Variants in ERICH1 observed in about 807,000 individuals in gnomAD.
ERICH1 encodes glutamate-rich protein 1.
Under a neutral mutation model 39.6 loss-of-function variants are expected in ERICH1, and 56 were observed. That is an observed-to-expected ratio of 1.41 (90% confidence interval 1.14 to 1.77). The LOEUF is 1.77. ERICH1 is among the 40% of genes most tolerant of loss of function. ERICH1 has a pLI of 0.00. For missense variants in ERICH1, 826 were observed against 575.4 expected, an observed-to-expected ratio of 1.44 and a Z score of -4.45; for synonymous variants, 313 against 223.6, an observed-to-expected ratio of 1.40 and a Z score of -3.57.
rs111162113 is a variant in ERICH1, at chr8:696,013, G to C, written c.170-3401C>G. 4.7e-3 allele frequency among the ~76,000 whole-genome samples: 47 copies of C among 9,906 alleles called. 2 individuals are homozygous for C. Among genetic ancestry groups the C allele is most frequent in the Middle Eastern group, 0.071 (1 of 14 alleles). The allele number at this position is 9,906 out of a possible 152,430, so 6.5% of individuals were successfully genotyped here. A position where few individuals can be genotyped will look rare whatever the true frequency, so the allele number is the denominator to read the frequency against. ...CTCCCCATCAGCCTGCGCCTGTGCT[G>C]GCTCCTCTCACCCTCCACTCCTCTC... is the stretch of plus-strand genomic sequence containing the variant. On this transcript the variant is annotated intron_variant, in intron 2 of 5. Coordinates refer to ENST00000262109, the MANE Select transcript of ERICH1 (RefSeq NM_207332.3).
At chr8:680,418 A>G (rs1805841403) in intron 3 of ERICH1, among the ~76,000 whole-genome samples, 1 of 151,752 alleles carries the variant, frequency 6.6e-6, no homozygotes, top group Non-Finnish European at 1.5e-5. Context: ...GAGAATCCAT[A>G]GCTGCCACCC....
intron 2 of ERICH1, among the ~76,000 whole-genome samples, chr8:713,048 T>C (rs944877992): frequency 2.6e-5 from 4 of 152,238 alleles, no homozygotes; most frequent in African/African-American, 9.6e-5. Flanking sequence ...TCAGCAGGGC[T>C]GGCTTTGGAC....
In ERICH1 at chr8:692,527, G is replaced by A. The variant is rs1320290195; in HGVS notation, c.255C>T (p.Pro85=). 1.2e-6 allele frequency: 2 copies of A among 1,613,912 alleles called. No homozygotes were observed. Among genetic ancestry groups the A allele is most frequent in the African/African-American group, 2.7e-5 (2 of 74,916 alleles). Residue 85 remains proline, a synonymous_variant, in exon 3 of 6, where the codon CCC becomes CCT. Coordinates refer to ENST00000262109, the MANE Select transcript of ERICH1 (RefSeq NM_207332.3). ...PEGYVPCWPE[P]SSCGSPENAS... ...CGTTCTCGGGGCTCCCACAGCTGCT[G>A]GGCTCCGGCCAACAGGGGACGTAGC...
At chr8:621,190 TA>T (rs34062787) in intron 3 of ERICH1, among the ~76,000 whole-genome samples, 111,160 of 151,900 alleles carry the variant, frequency 0.73, 41,840 homozygotes, top group East Asian at 0.94. Flanking sequence ...AAGAAGAAAT[TA>T]CAAGGGAAAT....
chr8:685,705 T>C (rs1283106128), intron 3 of ERICH1, among the ~76,000 whole-genome samples: 1 of 152,246 alleles, frequency 6.6e-6, no homozygotes, highest in African/African-American at 2.4e-5. Flanking sequence ...GGTCCCTGAC[T>C]TCCTGCAATA....
rs1585782386 is a variant in ERICH1 at position 730,579 on chromosome 8, C to T, written c.22+561G>A. 5.3e-5 allele frequency among the ~76,000 whole-genome samples: 8 copies of T among 152,334 alleles called. 1 individual carries two copies. In the South Asian group the frequency reaches 1.7e-3, roughly 32 times the overall value. ...CCGTTCTAAGGCACGGCCAGGTTAA[C>T]CAATTCTATTTATTCTCCTCCTGTC... On this transcript the variant is annotated intron_variant, in intron 1 of 5. Transcript: ENST00000262109.
chr8:730,640 C>A (rs1011863924), intron 1 of ERICH1, among the ~76,000 whole-genome samples: 2 of 152,192 alleles, frequency 1.3e-5, no homozygotes, highest in Admixed American at 1.3e-4. Context: ...TTAATAAGCA[C>A]TAGGATGCGC....
intron 1 of ERICH1, among the ~76,000 whole-genome samples, chr8:723,092 G>C (rs75845671): frequency 2.6e-5 from 4 of 152,172 alleles, no homozygotes; most frequent in Non-Finnish European, 5.9e-5. Flanking sequence ...ATGGTGATGA[G>C]CTCTTGGAGA....
In ERICH1 at chr8:636,450, G is replaced by A. The variant is rs188444149; in HGVS notation, c.977-21166C>T. 3.0e-3 allele frequency among the ~76,000 whole-genome samples: 455 copies of A among 152,334 alleles called. 8 individuals are homozygous for A. The highest frequency in any genetic ancestry group is 8.2e-4 in the Non-Finnish European group (56 of 68,036). On this transcript the variant is annotated intron_variant, in intron 3 of 3. Transcript: ENST00000522706. Reference sequence around the variant, plus strand: ...ACTCTTAGCTGTTCCCAAAGGAGACGGCCCAGAGTGCCTTCCTCTCCCGAC... The same window carrying A: ...ACTCTTAGCTGTTCCCAAAGGAGACAGCCCAGAGTGCCTTCCTCTCCCGAC...
At chr8:716,447 C>A (rs999174594) in intron 1 of ERICH1, among the ~76,000 whole-genome samples, 1 of 152,234 alleles carries the variant, frequency 6.6e-6, no homozygotes, top group Non-Finnish European at 1.5e-5. Context: ...GCAGGTCTGG[C>A]GGGCCCTGAG....
intron 3 of ERICH1, among the ~76,000 whole-genome samples, chr8:619,251 C>A (rs1044599775): frequency 6.6e-6 from 1 of 152,152 alleles, no homozygotes. Context: ...AGAAAGGGCA[C>A]GTGACCCATC....
chr8:702,613 C>G (rs1812406760), intron 2 of ERICH1, among the ~76,000 whole-genome samples: 2 of 152,194 alleles, frequency 1.3e-5, no homozygotes, highest in South Asian at 4.1e-4. Flanking sequence ...ATGAAAGAGG[C>G]CGACAGTGCG....
intron 3 of ERICH1, among the ~76,000 whole-genome samples, chr8:643,250 A>C (rs1799221723): frequency 1.3e-5 from 2 of 152,076 alleles, no homozygotes; most frequent in African/African-American, 2.4e-5. Context: ...ATGACCTAGT[A>C]ATGGGGTCGC....
intron 2 of ERICH1, among the ~76,000 whole-genome samples, chr8:700,498 GCGCACAGGCC>G (rs1439954970): frequency 7.6e-6 from 1 of 131,082 alleles, no homozygotes; most frequent in African/African-American, 2.9e-5. Flanking sequence ...GCCCGCACAC[GCGCACAGGCC>G]CGCACAGGCG....
At chr8:670,633 A>T (rs566406631) in intron 4 of ERICH1, among the ~76,000 whole-genome samples, 141 of 152,268 alleles carry the variant, frequency 9.3e-4, no homozygotes, top group Non-Finnish European at 1.8e-3. Context: ...GATGGCCAAG[A>T]GGCTCCTATG....
intron 1 of ERICH1, among the ~76,000 whole-genome samples, chr8:730,469 CTT>C (rs1421501264): frequency 6.6e-6 from 1 of 152,220 alleles, no homozygotes; most frequent in Non-Finnish European, 1.5e-5. Flanking sequence ...AACCGCCACT[CTT>C]TTCATTATGA....
At chr8:701,227 C>T (rs552254061) in intron 2 of ERICH1, among the ~76,000 whole-genome samples, 73 of 152,180 alleles carry the variant, frequency 4.8e-4, no homozygotes, top group Admixed American at 1.6e-3. Context: ...GACGGGAGCA[C>T]GCCGTACCCA....
intron 3 of ERICH1, among the ~76,000 whole-genome samples, chr8:691,451 C>T (rs538729453): frequency 8.5e-5 from 13 of 152,354 alleles, no homozygotes; most frequent in South Asian, 4.1e-4. Context: ...GCATGGACAA[C>T]GCGGTACAAC....
chr8:638,358 A>G (rs1798614783), intron 3 of ERICH1, among the ~76,000 whole-genome samples: 1 of 152,218 alleles, frequency 6.6e-6, no homozygotes, highest in South Asian at 2.1e-4. Context: ...CTCAGCCAGC[A>G]CGGGCCATGT....
Sources: gnomAD v4.1 joint callset for allele counts (sites outside exome capture counted in the v4.1 genomes callset) on GRCh38, gnomAD v4.1.1 for gene constraint, MANE v1.5 for transcripts, NCBI Gene and HGNC (gene_info 2026-07-23, HGNC 2026-07-21) for gene names.